The following EIF3H variants were observed in gnomAD, a reference collection of about 807,000 sequenced individuals.
EIF3H encodes eukaryotic translation initiation factor 3 subunit H.
A neutral mutation model predicts 44.2 loss-of-function variants in EIF3H; 26 were observed. The observed-to-expected ratio is 0.59, with a 90% CI of 0.43 to 0.82. EIF3H has a LOEUF of 0.82. EIF3H is among the 40% of genes least tolerant of loss of function. The pLI is 0.00. For synonymous variants in EIF3H, 166 were observed against 151.9 expected (o/e 1.09, Z -0.68); for missense variants, 359 against 432.8 (o/e 0.83, Z 1.51).
chr8:116,683,571 GC>G (rs886657954), intron 2 of EIF3H, among the ~76,000 whole-genome samples: 1 of 152,202 alleles, frequency 6.6e-6, no homozygotes, highest in Non-Finnish European at 1.5e-5. Context: ...TAGACATTCA[GC>G]CCTTAACAAC....
intron 2 of EIF3H, among the ~76,000 whole-genome samples, chr8:116,667,306 A>G (rs1182071376): frequency 6.6e-6 from 1 of 152,182 alleles, no homozygotes; most frequent in Non-Finnish European, 1.5e-5. Context: ...TGAAATTTTC[A>G]TGTGGGGCTT....
chr8:116,743,433 A>T (rs1487477721), intron 1 of EIF3H, among the ~76,000 whole-genome samples: 2 of 152,164 alleles, frequency 1.3e-5, no homozygotes, highest in Non-Finnish European at 2.9e-5. Context: ...CCTGGGCAAC[A>T]GAGCAAGATC....
intron 1 of EIF3H, among the ~76,000 whole-genome samples, chr8:116,741,201 T>C (rs1815126222): frequency 6.6e-6 from 1 of 152,216 alleles, no homozygotes; most frequent in African/African-American, 2.4e-5. Context: ...TATGCCTAGT[T>C]ACCCTTATGG....
chr8:116,752,704 GAA>G (rs1374224939), intron 1 of EIF3H, among the ~76,000 whole-genome samples: 4 of 128,544 alleles, frequency 3.1e-5, no homozygotes, highest in Admixed American at 8.2e-5. Flanking sequence ...AAGAAAGAAA[GAA>G]AGAAAGAAAG....
chr8:116,757,578 T>C (rs940309591), upstream of EIF3H, among the ~76,000 whole-genome samples: 2 of 152,004 alleles, frequency 1.3e-5, no homozygotes, highest in African/African-American at 4.8e-5. Context: ...CTCAAAATAA[T>C]GTAAATAAAT....
intron 2 of EIF3H, among the ~76,000 whole-genome samples, chr8:116,709,894 C>T (rs1814544848): frequency 6.6e-6 from 1 of 152,158 alleles, no homozygotes; most frequent in Non-Finnish European, 1.5e-5. Context: ...TCTGTCTCAG[C>T]CATAGGTACC....
At chr8:116,752,774 AGGGAGGGAGGGAGGGAG>A (rs1815377395) in intron 1 of EIF3H, among the ~76,000 whole-genome samples, 6 of 46,986 alleles carry the variant, frequency 1.3e-4, no homozygotes, top group African/African-American at 4.2e-4. Context: ...GGAGGGAGGG[AGGGAGGGAGGGAGGGAG>A]GGAGGGAAGG....
intron 1 of EIF3H, among the ~76,000 whole-genome samples, chr8:116,732,776 G>A (rs186424342): frequency 3.3e-4 from 50 of 152,212 alleles, no homozygotes; most frequent in Admixed American, 7.2e-4. Flanking sequence ...TACTTTCATG[G>A]GGCTCATATT....
chr8:116,714,721 A>G (rs1409228818), intron 2 of EIF3H, among the ~76,000 whole-genome samples: 1 of 151,958 alleles, frequency 6.6e-6, no homozygotes, highest in African/African-American at 2.4e-5. Context: ...GCAACAAAAG[A>G]AAGAGAGTTT....
chr8:116,683,348 G>C (rs187693609), intron 2 of EIF3H, among the ~76,000 whole-genome samples: 2 of 152,292 alleles, frequency 1.3e-5, no homozygotes, highest in East Asian at 3.9e-4. Flanking sequence ...CTCCTTGTAA[G>C]AGACCCTTCC....
intron 2 of EIF3H, among the ~76,000 whole-genome samples, chr8:116,661,497 C>A (rs889076722): frequency 1.3e-5 from 2 of 152,144 alleles, no homozygotes; most frequent in African/African-American, 4.8e-5. Flanking sequence ...GTTAATAATT[C>A]TTCTTTGATA....
chr8:116,755,603 T>G, intron 1 of EIF3H, 63 bp downstream of exon 1: 1 of 1,604,992 alleles, frequency 6.2e-7, no homozygotes, highest in East Asian at 2.2e-5. Flanking sequence ...AAAGTACGTC[T>G]GGTGGGACGG....
chr8:116,649,677 G>T (rs1813358572), intron 5 of EIF3H, among the ~76,000 whole-genome samples: 1 of 152,122 alleles, frequency 6.6e-6, no homozygotes, highest in Non-Finnish European at 1.5e-5. Context: ...CTGCAAACAG[G>T]TATTTACTAA....
At chr8:116,740,012 C>T (rs1200300919) in intron 1 of EIF3H, among the ~76,000 whole-genome samples, 1 of 152,114 alleles carries the variant, frequency 6.6e-6, no homozygotes, top group Non-Finnish European at 1.5e-5. Context: ...ACACAAAGCC[C>T]AGGGATATCA....
chr8:116,755,661 C>T lies in EIF3H; in HGVS notation c.132+5G>A. ...GTGGGCCAGAGGAAAAAGAACAGCA[C>T]TCACAAGGCCATCTATCTGCACTTG... is the stretch of plus-strand genomic sequence containing the variant. On this transcript the variant is annotated splice_donor_5th_base_variant and intron_variant, in intron 1 of 7. Coordinates refer to ENST00000521861, the MANE Select transcript of EIF3H (RefSeq NM_003756.3). The T allele has an allele frequency of 2.5e-6, 4 of 1,614,054 alleles. No individual in the cohort carries two copies. Among genetic ancestry groups the T allele is most frequent in the African/African-American group, 1.3e-5 (1 of 75,070 alleles).
intron 2 of EIF3H, among the ~76,000 whole-genome samples, chr8:116,678,173 T>C (rs1380649794): frequency 6.6e-6 from 1 of 151,666 alleles, no homozygotes; most frequent in Non-Finnish European, 1.5e-5. Flanking sequence ...TTTTTTTTTT[T>C]TGGTGGAGAC....
chr8:116,755,580 G>A lies in EIF3H; in HGVS notation c.132+86C>T, dbSNP rs1563664263. The A allele has an allele frequency of 6.3e-6, 10 of 1,575,460 alleles. No individual in the cohort carries two copies. The South Asian group carries it at 6.8e-5, about 11-fold the overall frequency. On this transcript the variant is annotated intron_variant, in intron 1 of 7. Coordinates refer to ENST00000521861, the MANE Select transcript of EIF3H (RefSeq NM_003756.3). ...TGGCCCAGCCACACCAAGCCCAAGG[G>A]GGAGAATGCTAGAAAGTACGTCTGG...
At chr8:116,759,778 G>A (rs1815499923), upstream of EIF3H, among the ~76,000 whole-genome samples, 1 of 152,032 alleles carries the variant, frequency 6.6e-6, no homozygotes, top group Admixed American at 6.6e-5. Context: ...TGCCCAGGCT[G>A]GAGTGTAATG....
At chr8:116,752,816 G>T (rs1815381199) in intron 1 of EIF3H, among the ~76,000 whole-genome samples, 1 of 140,170 alleles carries the variant, frequency 7.1e-6, no homozygotes, top group Non-Finnish European at 1.5e-5. Flanking sequence ...AAGGAAGGAA[G>T]GAAGGAAGGA....
Sources: gnomAD v4.1 joint callset for allele counts (sites outside exome capture counted in the v4.1 genomes callset) on GRCh38, gnomAD v4.1.1 for gene constraint, MANE v1.5 for transcripts, NCBI Gene and HGNC (gene_info 2026-07-23, HGNC 2026-07-21) for gene names.